DOCK8: variants seen among roughly 807,000 people sequenced by gnomAD.
DOCK8 encodes dedicator of cytokinesis protein 8.
In DOCK8, 141 loss-of-function variants were observed where a neutral mutation model predicts 245.6. The ratio of observed to expected loss-of-function variants is 0.57; its 90% CI spans 0.50 to 0.66. The LOEUF (loss-of-function observed/expected upper bound fraction) is 0.66, where lower values mean the gene tolerates loss of function less well. Ranked by LOEUF, DOCK8 falls within the 30% of genes least tolerant of loss-of-function variation. The probability of loss-of-function intolerance (pLI) is 0.00; values close to 1 mark genes in which losing one functional copy is unlikely to be tolerated. For synonymous variants in DOCK8, 1,168 were observed against 970.2 expected, an observed-to-expected ratio of 1.20 and a Z score of -3.79; for missense variants, 2,965 against 2,603.4, an observed-to-expected ratio of 1.14 and a Z score of -3.02.
chr9:441,866 G>C lies in DOCK8; in HGVS notation c.5356-9G>C, dbSNP rs745646189. ...AACTAAGGAGAGCTTTTTATATTTT[G>C]TTCCTCAGGATCATAAGAGAATGTT... On this transcript the variant is annotated splice_polypyrimidine_tract_variant and intron_variant, in intron 41 of 47. Transcript: ENST00000432829. 9 of 1,613,978 alleles carry C rather than the reference G, an allele frequency of 5.6e-6. No individual in the cohort carries two copies. The highest frequency in any genetic ancestry group is 7.6e-6 in the Non-Finnish European group (9 of 1,180,024).
At chr9:409,106 C>CT (rs56323744) in intron 28 of DOCK8, among the ~76,000 whole-genome samples, 26 of 148,806 alleles carry the variant, frequency 1.7e-4, no homozygotes, top group South Asian at 4.2e-4. Flanking sequence ...TCAGCACTTC[C>CT]TTTTTTTTTT....
intron 23 of DOCK8, among the ~76,000 whole-genome samples, chr9:388,289 C>T (rs1292645885): frequency 6.6e-6 from 1 of 152,186 alleles, no homozygotes; most frequent in African/African-American, 2.4e-5. Context: ...CTCACAACAG[C>T]AAACAAATGT....
chr9:388,934 A>C (rs1367330116), intron 23 of DOCK8, among the ~76,000 whole-genome samples: 2 of 152,168 alleles, frequency 1.3e-5, no homozygotes, highest in East Asian at 3.8e-4. Flanking sequence ...TTTAAAACTT[A>C]ATTTGCAAAT....
chr9:236,567 T>C (rs2047254247), intron 1 of DOCK8, among the ~76,000 whole-genome samples: 2 of 152,164 alleles, frequency 1.3e-5, no homozygotes, highest in Non-Finnish European at 2.9e-5. Flanking sequence ...TCTATCCCAC[T>C]AGTACCTGTA....
chr9:216,537 C>CAAAAAAAAAAAAAAA (rs59529982), intron 1 of DOCK8, among the ~76,000 whole-genome samples: 20 of 88,914 alleles, frequency 2.2e-4, no homozygotes, highest in South Asian at 4.3e-4. Context: ...AAAAAACAGA[C>CAAAAAAAAAAAAAAA]AAAAAAAAAA....
intron 23 of DOCK8, among the ~76,000 whole-genome samples, chr9:388,203 A>G (rs529978631): frequency 9.9e-5 from 15 of 152,142 alleles, no homozygotes; most frequent in Non-Finnish European, 1.9e-4. Flanking sequence ...CAGTTATAAT[A>G]TGTGCACAGT....
intron 4 of DOCK8, among the ~76,000 whole-genome samples, chr9:295,399 C>A (rs917233970): frequency 6.6e-6 from 1 of 152,054 alleles, no homozygotes; most frequent in Non-Finnish European, 1.5e-5. Context: ...GAAATCAATT[C>A]CAGTTATCCC....
At chr9:433,784 C>A in intron 37 of DOCK8, 91 bp from the exon 38 acceptor site, 3 of 1,081,132 alleles carry the variant, frequency 2.8e-6, no homozygotes, top group Non-Finnish European at 4.3e-6. Flanking sequence ...TCCAACCCTT[C>A]CCATGGCTTC....
intron 1 of DOCK8, among the ~76,000 whole-genome samples, chr9:237,413 G>C (rs1486507628): frequency 6.6e-6 from 1 of 152,236 alleles, no homozygotes; most frequent in Non-Finnish European, 1.5e-5. Flanking sequence ...CCAGCACTTT[G>C]GGAGGCTGAG....
intron 24 of DOCK8, among the ~76,000 whole-genome samples, chr9:390,969 G>A (rs953930374): frequency 2.0e-5 from 3 of 152,174 alleles, no homozygotes; most frequent in African/African-American, 7.2e-5. Flanking sequence ...TGAGAAGAAA[G>A]CACAAATTTT....
chr9:236,169 C>T (rs1325822970), intron 1 of DOCK8, among the ~76,000 whole-genome samples: 2 of 152,178 alleles, frequency 1.3e-5, no homozygotes, highest in Non-Finnish European at 2.9e-5. Context: ...TCCCACCAAC[C>T]TTAGTGTGTG....
intron 1 of DOCK8, among the ~76,000 whole-genome samples, chr9:251,431 G>T (rs2047642785): frequency 6.6e-6 from 1 of 152,166 alleles, no homozygotes; most frequent in Non-Finnish European, 1.5e-5. Flanking sequence ...CAAAGTCTCA[G>T]CAACAAGCTA....
At chr9:286,703 G>C in intron 3 of DOCK8, 67 bp downstream of exon 3, 1 of 1,457,468 alleles carries the variant, frequency 6.9e-7, no homozygotes, top group Non-Finnish European at 9.6e-7. Flanking sequence ...AGTGGGTAGG[G>C]GAGATGCCTT....
intron 20 of DOCK8, among the ~76,000 whole-genome samples, chr9:377,703 G>A (rs780729756): frequency 6.6e-6 from 1 of 152,126 alleles, no homozygotes; most frequent in African/African-American, 2.4e-5. Flanking sequence ...TGCAATGATC[G>A]CTACAATCTA....
chr9:343,726 C>T (rs554585347), intron 14 of DOCK8, among the ~76,000 whole-genome samples: 1 of 152,284 alleles, frequency 6.6e-6, no homozygotes, highest in East Asian at 1.9e-4. Flanking sequence ...ATTCTCTATT[C>T]CTTAGAGGAA....
chr9:289,719 C>G, intron 4 of DOCK8, 138 bp downstream of exon 4: 1 of 670,046 alleles, frequency 1.5e-6, no homozygotes, highest in Non-Finnish European at 2.6e-6. Context: ...GTATGCCTTC[C>G]TTATCCCCAC....
intron 4 of DOCK8, among the ~76,000 whole-genome samples, chr9:303,581 G>C (rs1201716502): frequency 6.6e-6 from 1 of 152,158 alleles, no homozygotes; most frequent in Admixed American, 6.5e-5. Context: ...ATAAGCAGGA[G>C]CTAAACATCG....
At position 418,182 on chromosome 9, in the gene DOCK8, C is replaced by G. The variant is rs1039669122; in HGVS notation, c.3815C>G (p.Thr1272Arg). Residue 1272 changes from threonine to arginine, a missense_variant, in exon 30 of 48, where the codon ACA (threonine) becomes AGA (arginine). By Grantham distance (71) the Thr-to-Arg change is moderately conservative (BLOSUM62 -1). This residue lies in a region of DOCK8 where 2,825 missense variants were observed against 2,453.5 expected (regional missense o/e 1.15). Transcript: ENST00000432829. ...AIAGNNFNLK[T>R]SGIVLSSLPY... The stretch of plus-strand genomic sequence containing the variant: ...GCAGGGAATAATTTCAATTTGAAAA[C>G]AAGTGGAATAGTGCTGTCTTCCTTG... The G allele has an allele frequency of 3.1e-6, 5 of 1,614,098 alleles. No individual in the cohort carries two copies. The highest frequency in any genetic ancestry group is 2.7e-5 in the African/African-American group (2 of 74,940).
chr9:443,655 A>G, intron 43 of DOCK8, 139 bp downstream of exon 43: 1 of 677,938 alleles, frequency 1.5e-6, no homozygotes, highest in South Asian at 1.8e-5. Flanking sequence ...GAGTTCAACT[A>G]CTAATTGGTC....
Sources: allele counts gnomAD v4.1 joint callset (sites outside exome capture counted in the v4.1 genomes callset), GRCh38; gene constraint gnomAD v4.1.1; regional missense constraint gnomAD v4.1.1; transcripts MANE v1.5; gene names NCBI Gene and HGNC (gene_info 2026-07-23, HGNC 2026-07-21).